ACAP2: variants seen among roughly 807,000 people sequenced by gnomAD.
ACAP2 encodes the protein ArfGAP with coiled-coil, ankyrin repeat and PH domains 2, also known as arf-GAP with coiled-coil, ANK repeat and PH domain-containing protein 2.
ACAP2 carries 39 observed loss-of-function variants against 115.8 expected under a neutral mutation model. That is an observed-to-expected ratio of 0.34 (90% confidence interval 0.26 to 0.44). The LOEUF (loss-of-function observed/expected upper bound fraction) is 0.44, where lower values mean the gene tolerates loss of function less well. Ranked by LOEUF, ACAP2 falls within the 20% of genes least tolerant of loss-of-function variation. The probability of loss-of-function intolerance (pLI) is 1.00; values close to 1 mark genes in which losing one functional copy is unlikely to be tolerated. For synonymous variants in ACAP2, 289 were observed against 315.8 expected, an observed-to-expected ratio of 0.92 and a Z score of 0.90; for missense variants, 662 against 927.6, an observed-to-expected ratio of 0.71 and a Z score of 3.72.
At chr3:195,435,332 GC>G (rs1715454126) in intron 1 of ACAP2, among the ~76,000 whole-genome samples, 1 of 151,888 alleles carries the variant, frequency 6.6e-6, no homozygotes, top group South Asian at 2.1e-4. Flanking sequence ...GTGCCACCAT[GC>G]CCAGCTAATT....
chr3:195,418,015 C>T (rs1001875158), intron 1 of ACAP2, among the ~76,000 whole-genome samples: 1 of 152,038 alleles, frequency 6.6e-6, no homozygotes. Flanking sequence ...GGTTACAGTC[C>T]TTAATGTGAC....
rs74671529 is a variant in ACAP2, at chr3:195,400,597, C to T, written c.54-8450G>A. On this transcript the variant is annotated intron_variant, in intron 1 of 22. Transcript: ENST00000326793. ...TTCTTATCATTGTAGTAGGCTTCAA[C>T]ATGACAGGAAAATTAAGTTATCACT... Among the ~76,000 whole-genome samples, 747 of 151,506 alleles carry T rather than the reference C, an allele frequency of 4.9e-3. 16 individuals carry two copies. The highest frequency in any genetic ancestry group is 0.04 in the Admixed American group (607 of 15,188).
At chr3:195,283,918 T>A (rs1726669655) in intron 22 of ACAP2, among the ~76,000 whole-genome samples, 1 of 152,140 alleles carries the variant, frequency 6.6e-6, no homozygotes, top group South Asian at 2.1e-4. Flanking sequence ...TAAATTAAAT[T>A]GGTAAAATCT....
chr3:195,283,353 T>C (rs548074698), intron 22 of ACAP2, among the ~76,000 whole-genome samples: 1 of 152,292 alleles, frequency 6.6e-6, no homozygotes, highest in Admixed American at 6.5e-5. Flanking sequence ...CCTAGGGTTG[T>C]ACAGATAGAA....
chr3:195,418,588 C>T (rs1333488524), intron 1 of ACAP2, among the ~76,000 whole-genome samples: 2 of 152,140 alleles, frequency 1.3e-5, no homozygotes, highest in East Asian at 3.9e-4. Context: ...CACGCCTCCA[C>T]ACCCAGCTAA....
At chr3:195,435,256 C>T (rs1025091468) in intron 1 of ACAP2, among the ~76,000 whole-genome samples, 3 of 150,780 alleles carry the variant, frequency 2.0e-5, no homozygotes, top group African/African-American at 7.5e-5. Context: ...CTCACTGCAA[C>T]CTCTGCCCCC....
chr3:195,320,382 A>C (rs896402065), intron 10 of ACAP2, among the ~76,000 whole-genome samples: 2 of 152,238 alleles, frequency 1.3e-5, no homozygotes, highest in Non-Finnish European at 2.9e-5. Flanking sequence ...TAACAAATAT[A>C]GGAGGTAGAC....
intron 1 of ACAP2, among the ~76,000 whole-genome samples, chr3:195,399,179 T>C (rs1163119014): frequency 6.6e-6 from 1 of 151,956 alleles, no homozygotes; most frequent in Admixed American, 6.6e-5. Flanking sequence ...GTTTAAGCCA[T>C]AAAAAAAACC....
At chr3:195,375,288 A>G (rs1733449139) in intron 4 of ACAP2, among the ~76,000 whole-genome samples, 1 of 152,154 alleles carries the variant, frequency 6.6e-6, no homozygotes, top group African/African-American at 2.4e-5. Context: ...CTAAAAATAT[A>G]ATTCCATTAA....
intron 1 of ACAP2, among the ~76,000 whole-genome samples, chr3:195,429,251 G>C (rs1350125287): frequency 6.6e-6 from 1 of 151,846 alleles, no homozygotes; most frequent in Admixed American, 6.6e-5. Context: ...AGTCGGGTGT[G>C]GTGGTGTGTG....
At chr3:195,297,045 C>A in intron 16 of ACAP2, 145 bp downstream of exon 16, 1 of 666,166 alleles carries the variant, frequency 1.5e-6, no homozygotes. Flanking sequence ...ATTAACATAC[C>A]GAAGAAAGAG....
At chr3:195,311,286 G>A (rs541170561) in intron 10 of ACAP2, among the ~76,000 whole-genome samples, 144 of 151,918 alleles carry the variant, frequency 9.5e-4, no homozygotes, top group Middle Eastern at 3.4e-3. Flanking sequence ...TAGTAGAGAC[G>A]AGGTTTTACC....
intron 8 of ACAP2, among the ~76,000 whole-genome samples, chr3:195,331,229 C>T (rs1730144978): frequency 1.3e-5 from 2 of 151,796 alleles, no homozygotes. Flanking sequence ...ATGTCTTTCC[C>T]CCGTCTCAAC....
chr3:195,341,151 T>C (rs1730839126), intron 6 of ACAP2, among the ~76,000 whole-genome samples: 1 of 152,116 alleles, frequency 6.6e-6, no homozygotes, highest in African/African-American at 2.4e-5. Flanking sequence ...AATTCCATGA[T>C]ATATAGAAAC....
chr3:195,429,651 T>C (rs569709238), intron 1 of ACAP2, among the ~76,000 whole-genome samples: 2 of 152,274 alleles, frequency 1.3e-5, no homozygotes, highest in South Asian at 2.1e-4. Context: ...TAGTGTACAA[T>C]TGTGCATTTC....
At chr3:195,382,814 T>A (rs975533218) in intron 2 of ACAP2, among the ~76,000 whole-genome samples, 1 of 150,668 alleles carries the variant, frequency 6.6e-6, no homozygotes, top group Non-Finnish European at 1.5e-5. Flanking sequence ...TCTAATTCTA[T>A]AATTCTAACA....
At chr3:195,297,002 T>C (rs937337816) in intron 16 of ACAP2, among the ~76,000 whole-genome samples, 188 bp downstream of exon 16, 5 of 152,170 alleles carry the variant, frequency 3.3e-5, no homozygotes, top group African/African-American at 7.2e-5. Flanking sequence ...AAGACTATAA[T>C]TGATTATCTG....
rs1473195984 is a variant in ACAP2 at position 195,442,920 on chromosome 3, G to A, written c.-73C>T. On this transcript the variant is annotated 5_prime_UTR_variant, in exon 1 of 23. Transcript: ENST00000326793. Reference sequence around the variant, plus strand: ...GGAGCGGCCGCGCTGGGACGCAGACGGCTACGGCGGGCGCACGGCCGCGAC... The same window carrying A: ...GGAGCGGCCGCGCTGGGACGCAGACAGCTACGGCGGGCGCACGGCCGCGAC... 1.3e-5 allele frequency: 18 copies of A among 1,350,404 alleles called. No homozygotes were observed. The highest frequency in any genetic ancestry group is 1.8e-5 in the Non-Finnish European group (18 of 1,020,220). 83.7% of individuals were successfully genotyped at this position (1,350,404 alleles called of 1,614,324 possible).
At chr3:195,386,389 T>C (rs1031682399) in intron 2 of ACAP2, among the ~76,000 whole-genome samples, 3 of 152,212 alleles carry the variant, frequency 2.0e-5, no homozygotes, top group African/African-American at 7.2e-5. Context: ...GTTAGGTTAA[T>C]TTTATCTCAA....
Sources: allele counts gnomAD v4.1 joint callset (sites outside exome capture counted in the v4.1 genomes callset), GRCh38; gene constraint gnomAD v4.1.1; transcripts MANE v1.5; gene names NCBI Gene and HGNC (gene_info 2026-07-23, HGNC 2026-07-21).